MYO9B: variants seen among roughly 807,000 people sequenced by gnomAD.
MYO9B encodes unconventional myosin-IXb.
Under a neutral mutation model 229.5 loss-of-function variants are expected in MYO9B, and 71 were observed. That is an observed-to-expected ratio of 0.31 (90% confidence interval 0.26 to 0.38). MYO9B has a LOEUF of 0.38. MYO9B is among the 10% of genes least tolerant of loss of function. The probability of loss-of-function intolerance (pLI) is 1.00; values close to 1 mark genes in which losing one functional copy is unlikely to be tolerated. For synonymous variants in MYO9B, 1,185 were observed against 1,235.8 expected, an observed-to-expected ratio of 0.96 and a Z score of 0.86; for missense variants, 2,255 against 2,920.5, an observed-to-expected ratio of 0.77 and a Z score of 5.25.
rs71334663 is a variant in MYO9B at position 17,099,275 on chromosome 19, G to GAA, written c.-58-2373_-58-2372dup. 170 of 134,114 alleles carry GAA rather than the reference G, an allele frequency of 1.3e-3. 1 individual carries two copies. Among genetic ancestry groups the GAA allele is most frequent in the South Asian group, 4.7e-4 (2 of 4,274 alleles). The allele number at this position is 134,114 out of a possible 1,614,324, so 8.3% of individuals were successfully genotyped here. A position where few individuals can be genotyped will look rare whatever the true frequency, so the allele number is the denominator to read the frequency against. On this transcript the variant is annotated intron_variant, in intron 1 of 39. Coordinates refer to ENST00000682292, the MANE Select transcript of MYO9B (RefSeq NM_004145.4). ...GTGATAGAGTGAGACTCCATCTCAA[G>GAA]AAAAAAAAAAAAATGAAGAGGGTGA... is the stretch of plus-strand genomic sequence containing the variant.
At chr19:17,150,831 A>G (rs2072469025) in intron 3 of MYO9B, among the ~76,000 whole-genome samples, 1 of 141,244 alleles carries the variant, frequency 7.1e-6, no homozygotes, top group Non-Finnish European at 1.6e-5. Flanking sequence ...CACTGCCACT[A>G]CTTTTAGCAT....
chr19:17,163,173 C>A, intron 10 of MYO9B, 51 bp downstream of exon 10: 2 of 1,520,534 alleles, frequency 1.3e-6, no homozygotes, highest in African/African-American at 1.4e-5. Flanking sequence ...AATCAGACAT[C>A]ACGTGAAATT....
chr19:17,132,901 G>C (rs1279687761), intron 2 of MYO9B, among the ~76,000 whole-genome samples: 1 of 149,392 alleles, frequency 6.7e-6, no homozygotes, highest in Non-Finnish European at 1.5e-5. Flanking sequence ...AGGCTGGAGT[G>C]CAGTGGCATG....
At chr19:17,142,306 G>A (rs2072351543) in intron 2 of MYO9B, among the ~76,000 whole-genome samples, 1 of 152,150 alleles carries the variant, frequency 6.6e-6, no homozygotes, top group South Asian at 2.1e-4. Flanking sequence ...GGGACTAGGG[G>A]AGGGAAATGG....
intron 22 of MYO9B, among the ~76,000 whole-genome samples, chr19:17,196,949 G>A (rs1232878843): frequency 6.6e-6 from 1 of 151,910 alleles, no homozygotes; most frequent in Non-Finnish European, 1.5e-5. Context: ...ATGGATGGGA[G>A]GAAGATAGAG....
intron 4 of MYO9B, 83 bp downstream of exon 4, chr19:17,152,789 G>A (rs543713120): frequency 2.2e-5 from 28 of 1,270,302 alleles, no homozygotes; most frequent in Admixed American, 5.9e-5. Context: ...CAAAGCAAAC[G>A]TCCTGAGGTC....
intron 2 of MYO9B, among the ~76,000 whole-genome samples, chr19:17,114,557 G>C (rs1011455373): frequency 6.6e-6 from 1 of 152,194 alleles, no homozygotes; most frequent in Admixed American, 6.5e-5. Context: ...TGTAAGACTT[G>C]CTCCCCATGC....
At chr19:17,087,502 C>T (rs565576909) in intron 1 of MYO9B, among the ~76,000 whole-genome samples, 53 of 152,264 alleles carry the variant, frequency 3.5e-4, no homozygotes, top group Middle Eastern at 3.4e-3. Context: ...CTGGAGCAAC[C>T]GAAGGGCTCA....
chr19:17,145,600 T>C (rs1199896498), intron 3 of MYO9B, 109 bp downstream of exon 3: 2 of 970,360 alleles, frequency 2.1e-6, no homozygotes, highest in African/African-American at 1.6e-5. Flanking sequence ...TGGATGTTTA[T>C]GCTTTGTATG....
At chr19:17,174,677 G>A (rs537444337) in intron 13 of MYO9B, among the ~76,000 whole-genome samples, 1 of 152,058 alleles carries the variant, frequency 6.6e-6, no homozygotes, top group South Asian at 2.1e-4. Flanking sequence ...GCTCACGTCT[G>A]TAATCCCAAC....
intron 2 of MYO9B, among the ~76,000 whole-genome samples, chr19:17,104,599 A>AT (rs2057775937): frequency 6.6e-6 from 1 of 151,748 alleles, no homozygotes; most frequent in Admixed American, 6.6e-5. Flanking sequence ...TTTTTATTTT[A>AT]TTTTTTGTAG....
In MYO9B at chr19:17,167,995, A is replaced by G. The variant is rs1338518135; in HGVS notation, c.1724A>G (p.Asn575Ser). 6.2e-7 allele frequency: 1 copy of G among 1,606,782 alleles called. No homozygotes were observed. Among genetic ancestry groups the G allele is most frequent in the Non-Finnish European group, 8.5e-7 (1 of 1,177,054 alleles). The change falls in exon 11 of 40, where the codon AAT (asparagine) becomes AGT (serine). Residue 575 changes from asparagine (N) to serine (S), a missense_variant. This residue lies in a region of MYO9B where 220 missense variants were observed against 404.5 expected (regional missense o/e 0.54). Transcript: ENST00000682292. The stretch of plus-strand genomic sequence containing the variant: ...TGGCACAACATCGGCTACACAGACA[A>G]TGTCGGCTGCATCCATCTCATCAGC... ...ITWHNIGYTD[N>S]VGCIHLISKK...
chr19:17,144,967 CTCAAAAAAAAA>C (rs2072389075), intron 2 of MYO9B, among the ~76,000 whole-genome samples: 1 of 118,588 alleles, frequency 8.4e-6, no homozygotes, highest in African/African-American at 3.2e-5. Context: ...GAGACTTCAT[CTCAAAAAAAAA>C]AAAAAAAAAA....
intron 3 of MYO9B, among the ~76,000 whole-genome samples, chr19:17,147,804 G>GCTT (rs34465446): frequency 0.46 from 67,138 of 146,458 alleles, 15,861 homozygotes; most frequent in African/African-American, 0.6. Flanking sequence ...TCCTGCCTCA[G>GCTT]CTCGAGTAGC....
chr19:17,149,937 G>A (rs1276730772), intron 3 of MYO9B, among the ~76,000 whole-genome samples: 4 of 152,188 alleles, frequency 2.6e-5, no homozygotes, highest in Non-Finnish European at 4.4e-5. Flanking sequence ...TTTCCTCCTA[G>A]AAACGGACAC....
chr19:17,100,137 C>T (rs115613331), intron 1 of MYO9B, among the ~76,000 whole-genome samples: 1,740 of 145,832 alleles, frequency 0.012, 41 homozygotes, highest in African/African-American at 0.04. Flanking sequence ...AAAAAAAAAG[C>T]CCAGACTTCA....
chr19:17,081,302 CAGA>C (rs2057531935), intron 1 of MYO9B, among the ~76,000 whole-genome samples: 1 of 152,170 alleles, frequency 6.6e-6, no homozygotes, highest in African/African-American at 2.4e-5. Flanking sequence ...GCTGGGATAA[CAGA>C]TGTGAGCCAC....
At chr19:17,137,511 C>A (rs1029535449) in intron 2 of MYO9B, among the ~76,000 whole-genome samples, 8 of 152,132 alleles carry the variant, frequency 5.3e-5, no homozygotes, top group Non-Finnish European at 7.3e-5. Context: ...TGTAGAGGAC[C>A]AGGTCATCTC....
intron 1 of MYO9B, among the ~76,000 whole-genome samples, chr19:17,083,488 T>C (rs2057553721): frequency 6.6e-6 from 1 of 152,172 alleles, no homozygotes; most frequent in Admixed American, 6.5e-5. Context: ...CCCTGCTCTG[T>C]GTCTGGATAA....
Sources: allele counts gnomAD v4.1 joint callset (sites outside exome capture counted in the v4.1 genomes callset), GRCh38; gene constraint gnomAD v4.1.1; regional missense constraint gnomAD v4.1.1; transcripts MANE v1.5; gene names NCBI Gene and HGNC (gene_info 2026-07-23, HGNC 2026-07-21).